The following CATSPERD variants were observed in gnomAD, a reference collection of about 807,000 sequenced individuals.
CATSPERD encodes the protein catsper channel auxiliary subunit delta.
In CATSPERD, 86 loss-of-function variants were observed where a neutral mutation model predicts 98.1. That is an observed-to-expected ratio of 0.88 (90% CI 0.74 to 1.05). The LOEUF is 1.05. Ranked by LOEUF, CATSPERD falls within the 50% of genes least tolerant of loss-of-function variation. CATSPERD has a pLI of 0.00. For synonymous variants in CATSPERD, 394 were observed against 390.2 expected, an observed-to-expected ratio of 1.01 and a Z score of -0.12; for missense variants, 995 against 1,005.7, an observed-to-expected ratio of 0.99 and a Z score of 0.14.
In CATSPERD at chr19:5,720,817, G is replaced by A. The variant is rs1281852101; in HGVS notation, c.71+9G>A. The A allele has an allele frequency of 6.3e-7, 1 of 1,596,104 alleles. No homozygotes were observed. Among genetic ancestry groups the A allele is most frequent in the Non-Finnish European group, 8.5e-7 (1 of 1,177,412 alleles). ...ACAGCTCAGCTCTGTCGGTGGGGCT[G>A]CCAGGACTCCTGGGGCTGGGGTGCT... On this transcript the variant is annotated intron_variant, in intron 1 of 21. Coordinates refer to ENST00000381624, the MANE Select transcript of CATSPERD (RefSeq NM_152784.4).
chr19:5,740,986 G>A (rs955481724), intron 7 of CATSPERD, among the ~76,000 whole-genome samples: 22 of 152,086 alleles, frequency 1.4e-4, no homozygotes, highest in Non-Finnish European at 2.5e-4. Flanking sequence ...TTGGGAGGCT[G>A]AGGCAGGAGG....
intron 6 of CATSPERD, 38 bp downstream of exon 6, chr19:5,737,243 C>A: frequency 7.4e-7 from 1 of 1,355,802 alleles, no homozygotes; most frequent in South Asian, 1.2e-5. Flanking sequence ...TTTTTTTGCT[C>A]TCCTCTGAAC....
chr19:5,772,329 G>T, intron 19 of CATSPERD: 1 of 229,724 alleles, frequency 4.4e-6, no homozygotes, highest in Non-Finnish European at 8.6e-6. Context: ...CCGGGTTCAC[G>T]CCATTCTCCT....
In CATSPERD at chr19:5,741,796, G is replaced by GC. The variant is rs1171241927; in HGVS notation, c.573+2357_573+2358insC. ...TGGGATGCTGAAGGCGGGGGGGGGGGGGTGGTGTGGATCACTTGAGGTCAG... is the reference window on the plus strand; with the variant it reads ...TGGGATGCTGAAGGCGGGGGGGGGGGCGGTGGTGTGGATCACTTGAGGTCAG... On this transcript the variant is annotated intron_variant, in intron 7 of 21. Coordinates refer to ENST00000381624, the MANE Select transcript of CATSPERD (RefSeq NM_152784.4). Among the ~76,000 whole-genome samples, 19 of 92,692 alleles carry GC rather than the reference G, an allele frequency of 2.0e-4. 4 individuals are homozygous for GC. The highest frequency in any genetic ancestry group is 3.7e-4 in the Non-Finnish European group (14 of 38,350). The allele number at this position is 92,692 out of a possible 152,430, so 60.8% of individuals were successfully genotyped here.
chr19:5,766,978 C>T (rs930149452), intron 17 of CATSPERD, among the ~76,000 whole-genome samples: 5 of 151,528 alleles, frequency 3.3e-5, no homozygotes, highest in Admixed American at 6.6e-5. Flanking sequence ...CAGGCATGAG[C>T]CACCGCAATT....
At position 5,727,258 on chromosome 19, in the gene CATSPERD, A is replaced by T. The variant is rs1321410823; in HGVS notation, c.127-10A>T. The T allele has an allele frequency of 6.2e-7, 1 of 1,603,642 alleles. No homozygotes were observed. The highest frequency in any genetic ancestry group is 1.3e-5 in the African/African-American group (1 of 74,688). Reference sequence around the variant, plus strand: ...TTGATATTATTAAGATTTTGTGATTATCTCTCTAGGACCGCCTGTATTTTC... The same window carrying T: ...TTGATATTATTAAGATTTTGTGATTTTCTCTCTAGGACCGCCTGTATTTTC... On this transcript the variant is annotated splice_polypyrimidine_tract_variant and intron_variant, in intron 2 of 21. Transcript: ENST00000381624.
chr19:5,747,651 C>T lies in CATSPERD; in HGVS notation c.809-509C>T, dbSNP rs190854167. 2.5e-3 allele frequency among the ~76,000 whole-genome samples: 356 copies of T among 142,262 alleles called. 3 individuals are homozygous for T. Among genetic ancestry groups the T allele is most frequent in the African/African-American group, 9.1e-3 (343 of 37,848 alleles). 93.3% of individuals were successfully genotyped at this position (142,262 alleles called of 152,430 possible). ...TTTTTGAGATGGAGTCTGGCTCTGT[C>T]GCCCAGGCTGGAGTACAGTGGCGCA... On this transcript the variant is annotated intron_variant, in intron 9 of 21. Transcript: ENST00000381624.
At position 5,745,937 on chromosome 19, in the gene CATSPERD, C is replaced by G. The variant is rs765495581; in HGVS notation, c.682C>G (p.Pro228Ala). Residue 228 changes from proline to alanine, a missense_variant, in exon 9 of 22, where the codon CCC becomes GCC. Coordinates refer to ENST00000381624, the MANE Select transcript of CATSPERD (RefSeq NM_152784.4). ...GGGCATGTTCAAGTACTCAGATCACCCCCTCAACCGGAGTTTCGGGCTGTC... is the reference window on the plus strand; with the variant it reads ...GGGCATGTTCAAGTACTCAGATCACGCCCTCAACCGGAGTTTCGGGCTGTC... ...GKGMFKYSDH[P>A]LNRSFGLSFD... 6.2e-7 allele frequency: 1 copy of G among 1,613,962 alleles called. No homozygotes were observed. The highest frequency in any genetic ancestry group is 1.3e-5 in the African/African-American group (1 of 74,914).
chr19:5,759,513 C>T (rs554098176), intron 15 of CATSPERD, among the ~76,000 whole-genome samples: 8 of 148,988 alleles, frequency 5.4e-5, no homozygotes, highest in African/African-American at 1.5e-4. Flanking sequence ...TGCAGTGAGC[C>T]GAGATCGTGC....
intron 1 of CATSPERD, among the ~76,000 whole-genome samples, chr19:5,721,037 C>T (rs8111772): frequency 0.054 from 7,977 of 147,694 alleles, 609 homozygotes; most frequent in African/African-American, 0.16. Context: ...CTCGCTCTGT[C>T]GCCCAGGCTG....
At chr19:5,720,999 C>CTTT (rs754682545) in intron 1 of CATSPERD, among the ~76,000 whole-genome samples, 191 bp downstream of exon 1, 1 of 138,758 alleles carries the variant, frequency 7.2e-6, no homozygotes, top group African/African-American at 2.7e-5. Context: ...TCTCCTACCT[C>CTTT]TTTTTTTTTT....
Position 5,772,960 on chromosome 19 carries a change from A to C in CATSPERD, c.1936A>C (p.Arg646=). 6.2e-7 allele frequency: 1 copy of C among 1,613,766 alleles called. No individual in the cohort carries two copies. The highest frequency in any genetic ancestry group is 1.7e-4 in the Middle Eastern group (1 of 6,060). The change falls in exon 20 of 22, where the codon AGA becomes CGA. Residue 646 remains arginine, a synonymous_variant. Coordinates refer to ENST00000381624, the MANE Select transcript of CATSPERD (RefSeq NM_152784.4). ...ATTCGGGGGGCCCTTCTTCTGGAAC[A>C]GAGAGGTAACAGGACCCTAGGATCG... The part of the protein sequence containing the change: ...KEFGGPFFWN[R]ENYVSCHDPN...
At chr19:5,728,664 G>A (rs2055656356) in intron 3 of CATSPERD, among the ~76,000 whole-genome samples, 1 of 151,266 alleles carries the variant, frequency 6.6e-6, no homozygotes, top group Non-Finnish European at 1.5e-5. Context: ...TTGAAAACCA[G>A]CCTGGATAAC....
At chr19:5,728,706 T>TC (rs201122338) in intron 3 of CATSPERD, among the ~76,000 whole-genome samples, 6 of 69,544 alleles carry the variant, frequency 8.6e-5, no homozygotes, top group South Asian at 4.7e-4. Context: ...TCTCTCTCTC[T>TC]TTTTTTTTTT....
Position 5,739,403 on chromosome 19 carries a change from G to A in CATSPERD, c.537G>A (p.Gly179=). 1.9e-6 allele frequency: 3 copies of A among 1,580,340 alleles called. No individual in the cohort carries two copies. The highest frequency in any genetic ancestry group is 2.6e-6 in the Non-Finnish European group (3 of 1,167,424). Residue 179 remains glycine, a synonymous_variant, in exon 7 of 22, where the codon GGG becomes GGA. Coordinates refer to ENST00000381624, the MANE Select transcript of CATSPERD (RefSeq NM_152784.4). ...CTTATATATATTATTCAAATACTGGGGGATTCAGTTTTTGGAAGTATCACT... is the reference window on the plus strand; with the variant it reads ...CTTATATATATTATTCAAATACTGGAGGATTCAGTTTTTGGAAGTATCACT... The part of the protein sequence containing the change: ...SQTYIYYSNT[G]GFSFWKYHYD...
At chr19:5,744,757 C>T (rs934734789) in intron 8 of CATSPERD, among the ~76,000 whole-genome samples, 10 of 151,806 alleles carry the variant, frequency 6.6e-5, no homozygotes, top group Non-Finnish European at 1.0e-4. Flanking sequence ...CGTGCCACCG[C>T]GCCTGGCTAA....
At chr19:5,758,261 G>A (rs12460963) in intron 14 of CATSPERD, among the ~76,000 whole-genome samples, 2,749 of 152,158 alleles carry the variant, frequency 0.018, 57 homozygotes, top group Admixed American at 0.057. Flanking sequence ...GCAAGTTGGT[G>A]ACAGCAAACT....
At chr19:5,753,206 G>A (rs2056253990) in intron 12 of CATSPERD, among the ~76,000 whole-genome samples, 1 of 151,932 alleles carries the variant, frequency 6.6e-6, no homozygotes. Context: ...CCTGTGTTGG[G>A]AAACGGGCAA....
At position 5,720,755 on chromosome 19, in the gene CATSPERD, G is replaced by A. The variant is rs1431246439; in HGVS notation, c.18G>A (p.Leu6=). Residue 6 remains leucine (L), a synonymous_variant, in exon 1 of 22, where the codon CTG becomes CTA. Transcript: ENST00000381624. MLMLM[L]VAAVTMWLRP... The stretch of plus-strand genomic sequence containing the variant: ...CCAAGTCGATGCTGATGTTGATGCT[G>A]GTGGCGGCTGTGACCATGTGGCTCC... 8 of 1,605,756 alleles carry A rather than the reference G, an allele frequency of 5.0e-6. No homozygotes were observed. The highest frequency in any genetic ancestry group is 5.9e-6 in the Non-Finnish European group (7 of 1,179,724).
Sources: gnomAD v4.1 joint callset for allele counts (sites outside exome capture counted in the v4.1 genomes callset) on GRCh38, gnomAD v4.1.1 for gene constraint, MANE v1.5 for transcripts, NCBI Gene and HGNC (gene_info 2026-07-23, HGNC 2026-07-21) for gene names.